The following RBM7 variants were observed in gnomAD, a reference collection of about 807,000 sequenced individuals.
RBM7 encodes the protein RNA binding motif protein 7, also known as RNA-binding protein 7.
Under a neutral mutation model 31.0 loss-of-function variants are expected in RBM7, and 13 were observed. The observed-to-expected ratio is 0.42, with a 90% CI of 0.27 to 0.67. The LOEUF (loss-of-function observed/expected upper bound fraction) is 0.67. Ranked by LOEUF, RBM7 falls within the 30% of genes least tolerant of loss-of-function variation. RBM7 has a pLI of 0.24. For synonymous variants in RBM7, 106 were observed against 111.2 expected (o/e 0.95, Z 0.30); for missense variants, 245 against 326.2 (o/e 0.75, Z 1.92).
rs779223142 is a variant in RBM7, at chr11:114,407,442, C to T, written c.442-3C>T. 7 of 1,603,918 alleles carry T rather than the reference C, an allele frequency of 4.4e-6. No individual in the cohort carries two copies. The highest frequency in any genetic ancestry group is 2.2e-5 in the South Asian group (2 of 90,200). The stretch of plus-strand genomic sequence containing the variant: ...TAACATTTCCACTTTTCCTATTCCT[C>T]AGATGAACAGTGCTTTGAGACAAAT... On this transcript the variant is annotated splice_region_variant and splice_polypyrimidine_tract_variant and intron_variant, in intron 4 of 4. Transcript: ENST00000375490.
In RBM7 at chr11:114,407,488, G is replaced by A; in HGVS notation, c.485G>A (p.Gly162Asp). 1 of 1,613,850 alleles carries A rather than the reference G, an allele frequency of 6.2e-7. No individual in the cohort carries two copies. The highest frequency in any genetic ancestry group is 1.1e-5 in the South Asian group (1 of 91,054). Reference protein sequence around the residue: ...LRQMSYGGKFGSSPLDQSGFS... With the variant: ...LRQMSYGGKFDSSPLDQSGFS... ...CAAATGTCATATGGTGGAAAATTTG[G>A]TTCTTCACCTCTGGATCAATCAGGA... Residue 162 changes from glycine (G) to aspartate (D), a missense_variant, in exon 5 of 5, where the codon GGT (glycine) becomes GAT (aspartate). Gly to Asp is a moderately conservative substitution (Grantham distance 94, BLOSUM62 -1). Transcript: ENST00000375490.
chr11:114,410,382 T>C lies in RBM7; in HGVS notation c.*2575T>C, dbSNP rs901847714. Reference sequence around the variant, plus strand: ...ACCTAGTATTTTCTACCTTTCCCCATCTAAAATAAAATTTTTATACCACTT... The same window carrying C: ...ACCTAGTATTTTCTACCTTTCCCCACCTAAAATAAAATTTTTATACCACTT... On this transcript the variant is annotated 3_prime_UTR_variant, in exon 5 of 5. Coordinates refer to ENST00000375490, the MANE Select transcript of RBM7 (RefSeq NM_001286045.2). 1 of 152,148 alleles carries C rather than the reference T, an allele frequency of 6.6e-6. No individual in the cohort carries two copies. The highest frequency in any genetic ancestry group is 2.4e-5 in the African/African-American group (1 of 41,410). The allele number at this position is 152,148 out of a possible 1,614,324, so 9.4% of individuals were successfully genotyped here. A position where few individuals can be genotyped will look rare whatever the true frequency, so the allele number is the denominator to read the frequency against.
chr11:114,404,778 C>T (rs954372270), intron 3 of RBM7, among the ~76,000 whole-genome samples: 2 of 151,856 alleles, frequency 1.3e-5, no homozygotes, highest in African/African-American at 4.8e-5. Context: ...ATTGTACTGC[C>T]CCCCTCAGCA....
At chr11:114,400,867 G>A (rs1946189879) in intron 1 of RBM7, 100 bp downstream of exon 1, 1 of 1,367,094 alleles carries the variant, frequency 7.3e-7, no homozygotes, top group Admixed American at 2.2e-5. Flanking sequence ...CAGGGGACCC[G>A]ACGGGTGGCT....
In RBM7 at chr11:114,407,973, T is replaced by C; in HGVS notation, c.*166T>C. The C allele has an allele frequency of 1.3e-6, 1 of 761,558 alleles. No homozygotes were observed. The highest frequency in any genetic ancestry group is 1.9e-6 in the Non-Finnish European group (1 of 512,860). The allele number at this position is 761,558 out of a possible 1,614,324, so 47.2% of individuals were successfully genotyped here. On this transcript the variant is annotated 3_prime_UTR_variant, in exon 5 of 5. Coordinates refer to ENST00000375490, the MANE Select transcript of RBM7 (RefSeq NM_001286045.2). ...TTTAATACAAAATGAATTGCGGTTT[T>C]ATTACATTAATAACCTTTCACCTCA...
At chr11:114,402,382 C>CTTTTATTTTTTTT (rs1946215104) in intron 2 of RBM7, among the ~76,000 whole-genome samples, 1 of 50,126 alleles carries the variant, frequency 2.0e-5, no homozygotes, top group Non-Finnish European at 3.9e-5. Flanking sequence ...GCTTGAGATT[C>CTTTTATTTTTTTT]TTTTTTTTTT....
At position 114,401,744 on chromosome 11, in the gene RBM7, A is replaced by G; in HGVS notation, c.143A>G (p.Lys48Arg). 6.3e-7 allele frequency: 1 copy of G among 1,583,254 alleles called. No individual in the cohort carries two copies. Among genetic ancestry groups the G allele is most frequent in the Non-Finnish European group, 8.6e-7 (1 of 1,168,794 alleles). ...AAAATTCCAAAAGATAAGGATGGTA[A>G]ACCAAAGCAGTTTGCGTTTGTGAAT... ...KVKIPKDKDG[K>R]PKQFAFVNFK... Residue 48 changes from lysine to arginine, a missense_variant, in exon 2 of 5, where the codon AAA (lysine) becomes AGA (arginine). Coordinates refer to ENST00000375490, the MANE Select transcript of RBM7 (RefSeq NM_001286045.2).
intron 2 of RBM7, 46 bp from the exon 3 acceptor site, chr11:114,402,782 A>G (rs1946222044): frequency 6.7e-7 from 1 of 1,500,716 alleles, no homozygotes; most frequent in Non-Finnish European, 9.3e-7. Context: ...AAAATTTCAA[A>G]TTAGATTTTC....
At chr11:114,401,567 G>T in intron 1 of RBM7, 131 bp from the exon 2 acceptor site, 1 of 747,002 alleles carries the variant, frequency 1.3e-6, no homozygotes, top group East Asian at 3.2e-5. Flanking sequence ...ATGGAAATCC[G>T]TGCATCATTT....
At chr11:114,405,932 C>G in intron 4 of RBM7, 133 bp downstream of exon 4, 1 of 566,168 alleles carries the variant, frequency 1.8e-6, no homozygotes, top group Non-Finnish European at 2.9e-6. Flanking sequence ...GTCCTCAAGG[C>G]GTAAGTGAAC....
chr11:114,409,866 A>G lies in RBM7; in HGVS notation c.*2059A>G, dbSNP rs914868628. On this transcript the variant is annotated 3_prime_UTR_variant, in exon 5 of 5. Transcript: ENST00000375490. ...TACATGTATTGTGTAAAGGGACAGG[A>G]CAAGACAGCCTTAAAAAATTGAATA... is the stretch of plus-strand genomic sequence containing the variant. 1.3e-5 allele frequency: 2 copies of G among 152,222 alleles called. No individual in the cohort carries two copies. Among genetic ancestry groups the G allele is most frequent in the African/African-American group, 4.8e-5 (2 of 41,460 alleles). 9.4% of individuals were successfully genotyped at this position (152,222 alleles called of 1,614,324 possible). A position where few individuals can be genotyped will look rare whatever the true frequency, so the allele number is the denominator to read the frequency against.
At chr11:114,405,973 T>G (rs1028518716) in intron 4 of RBM7, 174 bp downstream of exon 4, 7 of 511,098 alleles carry the variant, frequency 1.4e-5, no homozygotes, top group Non-Finnish European at 2.0e-5. Flanking sequence ...AAATTTTTGT[T>G]AGACTAGCAT....
At position 114,407,497 on chromosome 11, in the gene RBM7, C is replaced by T. The variant is rs1203923609; in HGVS notation, c.494C>T (p.Pro165Leu). Residue 165 changes from proline to leucine, a missense_variant, in exon 5 of 5, where the codon CCT becomes CTT. Coordinates refer to ENST00000375490, the MANE Select transcript of RBM7 (RefSeq NM_001286045.2). ...TATGGTGGAAAATTTGGTTCTTCACCTCTGGATCAATCAGGATTTTCACCA... is the reference window on the plus strand; with the variant it reads ...TATGGTGGAAAATTTGGTTCTTCACTTCTGGATCAATCAGGATTTTCACCA... ...MSYGGKFGSS[P>L]LDQSGFSPSV... 2 of 1,614,068 alleles carry T rather than the reference C, an allele frequency of 1.2e-6. No individual in the cohort carries two copies. The highest frequency in any genetic ancestry group is 1.7e-6 in the Non-Finnish European group (2 of 1,179,980).
chr11:114,400,699 C>A lies in RBM7; in HGVS notation c.28C>A (p.Arg10Ser), dbSNP rs376690569. 3 of 1,614,182 alleles carry A rather than the reference C, an allele frequency of 1.9e-6. No homozygotes were observed. The highest frequency in any genetic ancestry group is 1.3e-5 in the African/African-American group (1 of 75,042). The change falls in exon 1 of 5, where the codon CGC becomes AGC. Residue 10 changes from arginine to serine, a missense_variant. Arg to Ser is a moderately radical substitution (Grantham distance 110). Transcript: ENST00000375490. MGAAAAEAD[R>S]TLFVGNLETK... is the part of the protein sequence containing the mutation. ...GGGGGCGGCGGCGGCGGAAGCGGAT[C>A]GCACTCTCTTTGTGGGCAACCTTGA...
chr11:114,409,852 T>G lies in RBM7; in HGVS notation c.*2045T>G, dbSNP rs1235945976. On this transcript the variant is annotated 3_prime_UTR_variant, in exon 5 of 5. Coordinates refer to ENST00000375490, the MANE Select transcript of RBM7 (RefSeq NM_001286045.2). ...GTAACCAAACTAAATACATGTATTG[T>G]GTAAAGGGACAGGACAAGACAGCCT... 2.0e-5 allele frequency: 3 copies of G among 152,170 alleles called. No homozygotes were observed. The highest frequency in any genetic ancestry group is 4.4e-5 in the Non-Finnish European group (3 of 68,050). 9.4% of individuals were successfully genotyped at this position (152,170 alleles called of 1,614,324 possible).
chr11:114,405,569 ATTC>A, intron 3 of RBM7, 134 bp from the exon 4 acceptor site: 1 of 467,682 alleles, frequency 2.1e-6, no homozygotes, highest in Non-Finnish European at 3.7e-6. Context: ...TGTTGTCTGT[ATTC>A]TTATTCTGGC....
intron 2 of RBM7, chr11:114,402,078 G>T: frequency 4.2e-6 from 2 of 472,926 alleles, no homozygotes; most frequent in Non-Finnish European, 3.6e-6. Context: ...GTTTCATTTT[G>T]GGTTAGTGAA....
In RBM7 at chr11:114,400,704, T is replaced by A; in HGVS notation, c.33T>A (p.Thr11=). The A allele has an allele frequency of 6.2e-7, 1 of 1,614,170 alleles. No individual in the cohort carries two copies. The highest frequency in any genetic ancestry group is 8.5e-7 in the Non-Finnish European group (1 of 1,180,008). Residue 11 remains threonine, a synonymous_variant, in exon 1 of 5, where the codon ACT becomes ACA. Transcript: ENST00000375490. MGAAAAEADR[T]LFVGNLETKV... is the part of the protein sequence containing the mutation. ...CGGCGGCGGCGGAAGCGGATCGCAC[T>A]CTCTTTGTGGGCAACCTTGAAACGA...
At chr11:114,405,029 CTTT>C (rs377711396) in intron 3 of RBM7, among the ~76,000 whole-genome samples, 1 of 152,106 alleles carries the variant, frequency 6.6e-6, no homozygotes, top group Non-Finnish European at 1.5e-5. Context: ...ACCTCTTTCT[CTTT>C]TTTGTCTCGG....
Sources: gnomAD v4.1 joint callset for allele counts (sites outside exome capture counted in the v4.1 genomes callset) on GRCh38, gnomAD v4.1.1 for gene constraint, MANE v1.5 for transcripts, NCBI Gene and HGNC (gene_info 2026-07-23, HGNC 2026-07-21) for gene names.